Variants in ASB7 observed in about 807,000 individuals in gnomAD.
ASB7 encodes ankyrin repeat and SOCS box protein 7.
Under a neutral mutation model 32.5 loss-of-function variants are expected in ASB7, and 4 were observed. The ratio of observed to expected loss-of-function variants is 0.12; its 90% CI spans 0.06 to 0.28. The LOEUF (loss-of-function observed/expected upper bound fraction) is 0.28. ASB7 is among the 10% of genes least tolerant of loss of function. ASB7 has a pLI of 1.00. For missense variants in ASB7, 181 were observed against 407.1 expected, an observed-to-expected ratio of 0.44 and a Z score of 4.78; for synonymous variants, 172 against 155.6, an observed-to-expected ratio of 1.11 and a Z score of -0.78.
chr15:100,610,338 C>CA (rs1253930911), intron 3 of ASB7, among the ~76,000 whole-genome samples: 1 of 151,674 alleles, frequency 6.6e-6, no homozygotes, highest in Non-Finnish European at 1.5e-5. Context: ...ACTAAAAATA[C>CA]AAAAAAATTA....
Position 100,611,484 on chromosome 15 carries a change from C to CTTTTTTTTTTTTTT in ASB7, c.-51-669_-51-668insTTTTTTTTTTTTTT, listed in dbSNP as rs61153969. ...GGTTAATCACCAGATTGTTTCGATT[C>CTTTTTTTTTTTTTT]TTTTTTTTTTTTTGAGACAGAATTT... is the stretch of plus-strand genomic sequence containing the variant. On this transcript the variant is annotated intron_variant, in intron 3 of 5. Coordinates refer to ENST00000332783, the MANE Select transcript of ASB7 (RefSeq NM_198243.3). Among the ~76,000 whole-genome samples the CTTTTTTTTTTTTTT allele has an allele frequency of 4.1e-4, 32 of 77,152 alleles. 6 individuals carry two copies. Among genetic ancestry groups the CTTTTTTTTTTTTTT allele is most frequent in the East Asian group, 1.1e-3 (2 of 1,784 alleles). The allele number at this position is 77,152 out of a possible 152,430, so 50.6% of individuals were successfully genotyped here.
chr15:100,647,121 G>A (rs1471984540), intron 5 of ASB7, among the ~76,000 whole-genome samples: 1 of 152,102 alleles, frequency 6.6e-6, no homozygotes, highest in African/African-American at 2.4e-5. Context: ...GAATTTAAAA[G>A]TATTTCTAAA....
At chr15:100,623,619 T>G (rs1243223226) in intron 4 of ASB7, among the ~76,000 whole-genome samples, 3 of 152,184 alleles carry the variant, frequency 2.0e-5, no homozygotes, top group Non-Finnish European at 4.4e-5. Context: ...AAGAAAACTC[T>G]TAATACGGTG....
chr15:100,635,280 A>G (rs1460132734), intron 5 of ASB7, among the ~76,000 whole-genome samples: 1 of 152,202 alleles, frequency 6.6e-6, no homozygotes, highest in African/African-American at 2.4e-5. Flanking sequence ...TTAATAATTA[A>G]TGGTTGTTTT....
At chr15:100,645,856 A>G in intron 5 of ASB7, 3 of 1,002,478 alleles carry the variant, frequency 3.0e-6, no homozygotes, top group Non-Finnish European at 4.7e-6. Context: ...GTCCCAAGAT[A>G]CGCTGCAGAT....
intron 3 of ASB7, among the ~76,000 whole-genome samples, chr15:100,610,707 A>G (rs2039688699): frequency 6.6e-6 from 1 of 152,214 alleles, no homozygotes; most frequent in Admixed American, 6.5e-5. Flanking sequence ...TTACTTTTGT[A>G]CAGTCTATAG....
chr15:100,644,670 C>G (rs2039985572), intron 5 of ASB7, among the ~76,000 whole-genome samples: 1 of 152,168 alleles, frequency 6.6e-6, no homozygotes, highest in African/African-American at 2.4e-5. Flanking sequence ...ACGTAATCAC[C>G]AAATAAATGT....
intron 4 of ASB7, among the ~76,000 whole-genome samples, chr15:100,615,365 G>T (rs1244568432): frequency 6.6e-6 from 1 of 152,228 alleles, no homozygotes; most frequent in Non-Finnish European, 1.5e-5. Context: ...ATATTCATCA[G>T]CAAAGTCAAT....
Position 100,648,558 on chromosome 15 carries a change from G to A in ASB7, c.*96G>A. 2 of 1,076,428 alleles carry A rather than the reference G, an allele frequency of 1.9e-6. No homozygotes were observed. The highest frequency in any genetic ancestry group is 6.3e-5 in the Admixed American group (2 of 31,614). 66.7% of individuals were successfully genotyped at this position (1,076,428 alleles called of 1,614,324 possible). On this transcript the variant is annotated 3_prime_UTR_variant, in exon 6 of 6. Transcript: ENST00000332783. ...GTATATCCTATGCAATTTCTGATTTGCTGTGAAATCAGAAAGCAGGTATAC... is the reference window on the plus strand; with the variant it reads ...GTATATCCTATGCAATTTCTGATTTACTGTGAAATCAGAAAGCAGGTATAC...
At chr15:100,631,144 G>A (rs539204382) in intron 5 of ASB7, among the ~76,000 whole-genome samples, 7 of 152,264 alleles carry the variant, frequency 4.6e-5, no homozygotes, top group South Asian at 2.1e-4. Context: ...AGACTAAAGC[G>A]TAAGAAAAAA....
chr15:100,631,452 G>C (rs559167578), intron 5 of ASB7, among the ~76,000 whole-genome samples: 4 of 152,364 alleles, frequency 2.6e-5, no homozygotes, highest in African/African-American at 7.2e-5. Flanking sequence ...GAGACACACA[G>C]AAGTCGCCAC....
In ASB7 at chr15:100,602,967, T is replaced by C. The variant is rs2039568642; in HGVS notation, c.-352T>C. ...AGGAACACCAGGGTCCGGCCCTGCC[T>C]GGGGTATTTCTTCAATGGAGAAGTT... On this transcript the variant is annotated 5_prime_UTR_variant, in exon 1 of 6. Transcript: ENST00000332783. The C allele has an allele frequency of 1.3e-5, 5 of 399,120 alleles. No homozygotes were observed. The highest frequency in any genetic ancestry group is 2.2e-5 in the Non-Finnish European group (5 of 226,468). The allele number at this position is 399,120 out of a possible 1,614,324, so 24.7% of individuals were successfully genotyped here.
At position 100,602,743 on chromosome 15, in the gene ASB7, G is replaced by A. The variant is rs905334341; in HGVS notation, c.-576G>A. 1 of 378,800 alleles carries A rather than the reference G, an allele frequency of 2.6e-6. No homozygotes were observed. Among genetic ancestry groups the A allele is most frequent in the Non-Finnish European group, 4.7e-6 (1 of 214,046 alleles). 23.5% of individuals were successfully genotyped at this position (378,800 alleles called of 1,614,324 possible). On this transcript the variant is annotated 5_prime_UTR_variant, in exon 1 of 6. An upstream open reading frame in the 5' UTR gains an earlier in-frame stop. Transcript: ENST00000332783. ...AGACCTCCTGGGTCCCTCCGTAGCT[G>A]GAAGCCTCCGGCCCGGAGCGCGGCA...
chr15:100,645,247 T>C (rs1444251657), intron 5 of ASB7, among the ~76,000 whole-genome samples: 1 of 152,224 alleles, frequency 6.6e-6, no homozygotes, highest in Non-Finnish European at 1.5e-5. Flanking sequence ...ACACGAACTT[T>C]TGTATTATAA....
chr15:100,610,959 G>A (rs1458608738), intron 3 of ASB7, among the ~76,000 whole-genome samples: 1 of 152,170 alleles, frequency 6.6e-6, no homozygotes, highest in Non-Finnish European at 1.5e-5. Context: ...CACTAAAAAT[G>A]TTTTTGTATA....
chr15:100,637,322 G>C (rs1013462287), intron 5 of ASB7, among the ~76,000 whole-genome samples: 1 of 152,182 alleles, frequency 6.6e-6, no homozygotes, highest in Non-Finnish European at 1.5e-5. Flanking sequence ...TCACTTTAAG[G>C]AAAACAACTG....
In ASB7 at chr15:100,649,670, CAT is replaced by C. The variant is rs2040018417; in HGVS notation, c.*1211_*1212del. ...ACAATTATTTTCTGGGTTGATTGGGCATATGTTTGCCGTGTAAACACGGATAT... is the reference window on the plus strand; with the variant it reads ...ACAATTATTTTCTGGGTTGATTGGGCATGTTTGCCGTGTAAACACGGATAT... On this transcript the variant is annotated 3_prime_UTR_variant, in exon 6 of 6. Coordinates refer to ENST00000332783, the MANE Select transcript of ASB7 (RefSeq NM_198243.3). 6.6e-6 allele frequency: 1 copy of C among 152,164 alleles called. No individual in the cohort carries two copies. The highest frequency in any genetic ancestry group is 1.5e-5 in the Non-Finnish European group (1 of 68,036). 9.4% of individuals were successfully genotyped at this position (152,164 alleles called of 1,614,324 possible).
chr15:100,619,538 T>C (rs895939037), intron 4 of ASB7, among the ~76,000 whole-genome samples: 9 of 152,166 alleles, frequency 5.9e-5, no homozygotes, highest in African/African-American at 2.2e-4. Flanking sequence ...TTGCCGTTAA[T>C]TGAAATGAAG....
intron 4 of ASB7, among the ~76,000 whole-genome samples, chr15:100,618,407 G>C (rs548248759): frequency 1.0e-3 from 157 of 152,124 alleles, no homozygotes; most frequent in Non-Finnish European, 1.9e-3. Flanking sequence ...GAGCCACCGC[G>C]TCCAGTCTCG....
Sources: allele counts gnomAD v4.1 joint callset (sites outside exome capture counted in the v4.1 genomes callset), GRCh38; gene constraint gnomAD v4.1.1; transcripts MANE v1.5; gene names NCBI Gene and HGNC (gene_info 2026-07-23, HGNC 2026-07-21).